CCSER1: variants seen among roughly 807,000 people sequenced by gnomAD.
The protein encoded by CCSER1 is serine-rich coiled-coil domain-containing protein 1.
A neutral mutation model predicts 82.0 loss-of-function variants in CCSER1; 41 were observed. The observed-to-expected ratio is 0.50, with a 90% CI of 0.39 to 0.65. CCSER1 has a LOEUF of 0.65. CCSER1 is among the 30% of genes least tolerant of loss of function. The probability of loss-of-function intolerance (pLI) is 0.00; values close to 1 mark genes in which losing one functional copy is unlikely to be tolerated. For synonymous variants in CCSER1, 414 were observed against 383.9 expected, an observed-to-expected ratio of 1.08 and a Z score of -0.92; for missense variants, 1,119 against 1,064.2, an observed-to-expected ratio of 1.05 and a Z score of -0.72.
intron 10 of CCSER1, among the ~76,000 whole-genome samples, chr4:91,496,653 ATTGAATATATATATATTCAATATAT>A (rs1560716509): frequency 9.1e-5 from 2 of 21,942 alleles, no homozygotes; most frequent in African/African-American, 1.2e-4. Flanking sequence ...TTCAATATAT[ATTGAATATATATATATTCAATATAT>A]TTGAATATAT....
chr4:91,398,578 T>C (rs1322836755), intron 10 of CCSER1, among the ~76,000 whole-genome samples: 2 of 151,850 alleles, frequency 1.3e-5, no homozygotes, highest in African/African-American at 4.8e-5. Context: ...ATTATTGGGG[T>C]ATTCGTATTC....
intron 5 of CCSER1, among the ~76,000 whole-genome samples, chr4:90,598,340 A>C (rs1046865645): frequency 1.3e-5 from 2 of 152,184 alleles, no homozygotes; most frequent in East Asian, 3.8e-4. Flanking sequence ...ACGTATGTAT[A>C]CATGTGCCAT....
chr4:90,414,254 A>G (rs1180239995), intron 4 of CCSER1, among the ~76,000 whole-genome samples: 2 of 151,392 alleles, frequency 1.3e-5, no homozygotes, highest in Non-Finnish European at 2.9e-5. Flanking sequence ...TATTGTTTTA[A>G]ATTCTAATAT....
intron 10 of CCSER1, among the ~76,000 whole-genome samples, chr4:91,136,383 T>A (rs1728471976): frequency 6.6e-6 from 1 of 152,210 alleles, no homozygotes; most frequent in African/African-American, 2.4e-5. Flanking sequence ...CTGTTAGCAA[T>A]TACAGTCATC....
intron 8 of CCSER1, among the ~76,000 whole-genome samples, chr4:90,873,046 A>C (rs762610705): frequency 6.6e-6 from 1 of 151,912 alleles, no homozygotes; most frequent in Non-Finnish European, 1.5e-5. Flanking sequence ...TAAATATCTT[A>C]GGTAGTCTTA....
At chr4:91,389,139 C>T (rs1397428617) in intron 10 of CCSER1, among the ~76,000 whole-genome samples, 3 of 151,924 alleles carry the variant, frequency 2.0e-5, no homozygotes, top group African/African-American at 7.2e-5. Flanking sequence ...CAACATTATA[C>T]CTAAGGTTAT....
Position 90,753,577 on chromosome 4 carries a change from C to T in CCSER1, c.2010+29586C>T, listed in dbSNP as rs139306535. Among the ~76,000 whole-genome samples the T allele has an allele frequency of 5.9e-5, 9 of 152,192 alleles. No individual in the cohort carries two copies. The East Asian group carries it at 9.7e-4, about 16-fold the overall frequency. ...ATTCCAAATCTGTCTGTTTCTTCCA[C>T]GTACACTATTATCAGTATCATTTCT... On this transcript the variant is annotated intron_variant, in intron 7 of 10. Coordinates refer to ENST00000509176, the MANE Select transcript of CCSER1 (RefSeq NM_001145065.2).
intron 9 of CCSER1, among the ~76,000 whole-genome samples, chr4:91,019,742 T>A (rs1406196923): frequency 6.6e-6 from 1 of 151,982 alleles, no homozygotes; most frequent in Admixed American, 6.6e-5. Flanking sequence ...TACATGAAAA[T>A]CCCCCCTGAA....
At chr4:91,333,095 C>T (rs955084682) in intron 10 of CCSER1, among the ~76,000 whole-genome samples, 9 of 151,884 alleles carry the variant, frequency 5.9e-5, no homozygotes, top group South Asian at 2.1e-4. Context: ...AGGCAATCTT[C>T]GCGAAACATC....
chr4:91,051,088 GA>G (rs1742969148), intron 9 of CCSER1, among the ~76,000 whole-genome samples: 2 of 152,116 alleles, frequency 1.3e-5, no homozygotes, highest in South Asian at 4.1e-4. Context: ...AAAACTTCAA[GA>G]TTTAGAGGTG....
chr4:90,957,495 A>G (rs1433690872), intron 9 of CCSER1, among the ~76,000 whole-genome samples: 1 of 125,428 alleles, frequency 8.0e-6, no homozygotes, highest in Non-Finnish European at 1.7e-5. Context: ...TAATATTATT[A>G]TATAATATTA....
intron 9 of CCSER1, among the ~76,000 whole-genome samples, chr4:90,982,501 C>T (rs1203391656): frequency 6.6e-6 from 1 of 151,582 alleles, no homozygotes; most frequent in East Asian, 1.9e-4. Flanking sequence ...GCAATTTTAA[C>T]CAAGGTTTAA....
chr4:90,203,466 G>A (rs1205785311), intron 1 of CCSER1, among the ~76,000 whole-genome samples: 3 of 152,094 alleles, frequency 2.0e-5, no homozygotes, highest in African/African-American at 7.2e-5. Flanking sequence ...CTGTTCCTGT[G>A]TTAGTTTGCT....
At chr4:91,221,924 G>C (rs1177927191) in intron 10 of CCSER1, among the ~76,000 whole-genome samples, 3 of 151,960 alleles carry the variant, frequency 2.0e-5, no homozygotes, top group African/African-American at 4.8e-5. Flanking sequence ...AAGGGAAATT[G>C]TTAAATAAAT....
chr4:90,230,838 A>G (rs1339911966), intron 1 of CCSER1, among the ~76,000 whole-genome samples: 2 of 152,226 alleles, frequency 1.3e-5, no homozygotes, highest in African/African-American at 4.8e-5. Context: ...AGAATACTAC[A>G]AACACCTCTA....
intron 10 of CCSER1, among the ~76,000 whole-genome samples, chr4:91,505,887 G>A (rs1198988250): frequency 6.6e-6 from 1 of 152,154 alleles, no homozygotes; most frequent in Non-Finnish European, 1.5e-5. Flanking sequence ...CATTCTGTGG[G>A]TTGTCTGTTC....
At chr4:90,270,460 CTG>C (rs1726059172) in intron 1 of CCSER1, among the ~76,000 whole-genome samples, 1 of 151,710 alleles carries the variant, frequency 6.6e-6, no homozygotes, top group Non-Finnish European at 1.5e-5. Context: ...AATAATAAAA[CTG>C]TAAAAAATAC....
At chr4:91,098,923 T>G (rs1250312537) in intron 10 of CCSER1, among the ~76,000 whole-genome samples, 1 of 152,228 alleles carries the variant, frequency 6.6e-6, no homozygotes, top group African/African-American at 2.4e-5. Flanking sequence ...AATGTACTAT[T>G]CTTGGAAATA....
intron 9 of CCSER1, among the ~76,000 whole-genome samples, chr4:90,994,214 C>CAA (rs61400021): frequency 3.3e-5 from 5 of 151,166 alleles, no homozygotes; most frequent in Middle Eastern, 3.4e-3. Context: ...CCCATCTCTA[C>CAA]AAAAAAAGGA....
Sources: gnomAD v4.1 joint callset for allele counts (sites outside exome capture counted in the v4.1 genomes callset) on GRCh38, gnomAD v4.1.1 for gene constraint, MANE v1.5 for transcripts, NCBI Gene and HGNC (gene_info 2026-07-23, HGNC 2026-07-21) for gene names.